RNF180: variants seen among roughly 807,000 people sequenced by gnomAD.
The protein encoded by RNF180 is ring finger protein 180, also known as E3 ubiquitin-protein ligase RNF180.
A neutral mutation model predicts 59.2 loss-of-function variants in RNF180; 38 were observed. The ratio of observed to expected loss-of-function variants is 0.64; its 90% confidence interval spans 0.50 to 0.84. The LOEUF (loss-of-function observed/expected upper bound fraction) is 0.84. Ranked by LOEUF, RNF180 falls within the 40% of genes least tolerant of loss-of-function variation. The probability of loss-of-function intolerance (pLI) is 0.00; values close to 1 mark genes in which losing one functional copy is unlikely to be tolerated. For synonymous variants in RNF180, 262 were observed against 240.3 expected, an observed-to-expected ratio of 1.09 and a Z score of -0.84; for missense variants, 705 against 700.9, an observed-to-expected ratio of 1.01 and a Z score of -0.07.
intron 7 of RNF180, among the ~76,000 whole-genome samples, chr5:64,337,867 G>A (rs1580275926): frequency 6.6e-6 from 1 of 152,226 alleles, no homozygotes; most frequent in African/African-American, 2.4e-5. Flanking sequence ...AGTATTCCAT[G>A]GTGTATATGT....
rs188350082 is a variant in RNF180, at chr5:64,224,299, A to G, written c.1227+6903A>G. Among the ~76,000 whole-genome samples, 3 of 152,282 alleles carry G rather than the reference A, an allele frequency of 2.0e-5. No homozygotes were observed. In the East Asian group the frequency reaches 5.8e-4, roughly 29 times the overall value. On this transcript the variant is annotated intron_variant, in intron 5 of 7. Coordinates refer to ENST00000389100, the MANE Select transcript of RNF180 (RefSeq NM_001113561.2). The stretch of plus-strand genomic sequence containing the variant: ...GCTGATTTCAGTGGTTGCCAGGCCA[A>G]CAAAGGTAGATAAAGAACCATACTG...
intron 1 of RNF180, among the ~76,000 whole-genome samples, chr5:64,198,288 A>G (rs954116566): frequency 6.6e-6 from 1 of 152,168 alleles, no homozygotes; most frequent in Non-Finnish European, 1.5e-5. Context: ...GCTAGTAGCT[A>G]CTGTATAGAA....
intron 5 of RNF180, among the ~76,000 whole-genome samples, chr5:64,270,026 A>AACACAC (rs146625939): frequency 4.8e-4 from 71 of 148,686 alleles, no homozygotes; most frequent in East Asian, 1.8e-3. Flanking sequence ...CAGTAACAAT[A>AACACAC]ACACACACAC....
intron 5 of RNF180, among the ~76,000 whole-genome samples, chr5:64,252,474 TATTA>T (rs1460659386): frequency 4.6e-5 from 7 of 152,190 alleles, no homozygotes; most frequent in African/African-American, 9.7e-5. Context: ...GTAATACATA[TATTA>T]ATTATCTAGA....
At chr5:64,197,808 A>G (rs901654725) in intron 1 of RNF180, among the ~76,000 whole-genome samples, 6 of 152,196 alleles carry the variant, frequency 3.9e-5, no homozygotes, top group Non-Finnish European at 8.8e-5. Flanking sequence ...ATATTCAGAC[A>G]TGGATATTTG....
At chr5:64,209,658 T>C (rs1752202718) in intron 2 of RNF180, among the ~76,000 whole-genome samples, 1 of 152,058 alleles carries the variant, frequency 6.6e-6, no homozygotes, top group South Asian at 2.1e-4. Flanking sequence ...CACCCTTCTT[T>C]CCTTCCTCTG....
chr5:64,328,794 A>G (rs1744766258), intron 6 of RNF180, among the ~76,000 whole-genome samples: 1 of 152,246 alleles, frequency 6.6e-6, no homozygotes, highest in South Asian at 2.1e-4. Context: ...AATTCAAATC[A>G]CTTGAGCCAA....
chr5:64,345,779 C>G (rs16892641), intron 7 of RNF180, among the ~76,000 whole-genome samples: 1,950 of 152,168 alleles, frequency 0.013, 95 homozygotes, highest in East Asian at 0.11. Context: ...ACATTACTGA[C>G]CAAAACCTAC....
At chr5:64,320,854 C>T (rs192712426) in intron 5 of RNF180, among the ~76,000 whole-genome samples, 27 of 152,132 alleles carry the variant, frequency 1.8e-4, no homozygotes, top group Non-Finnish European at 3.2e-4. Flanking sequence ...CTGGCTAATA[C>T]GGTGAAACCC....
At chr5:64,364,666 T>A (rs1280033376) in intron 7 of RNF180, among the ~76,000 whole-genome samples, 3 of 151,716 alleles carry the variant, frequency 2.0e-5, no homozygotes, top group Non-Finnish European at 4.4e-5. Flanking sequence ...ATTCTTTGTA[T>A]ATCTTACAGA....
At chr5:64,238,180 T>C (rs540117917) in intron 5 of RNF180, among the ~76,000 whole-genome samples, 1 of 152,346 alleles carries the variant, frequency 6.6e-6, no homozygotes, top group African/African-American at 2.4e-5. Context: ...TTCCTTCTTT[T>C]TTTAAGGCTG....
chr5:64,200,951 T>A lies in RNF180; in HGVS notation c.135+9T>A. The A allele has an allele frequency of 2.5e-6, 4 of 1,611,626 alleles. No individual in the cohort carries two copies. The highest frequency in any genetic ancestry group is 3.4e-6 in the Non-Finnish European group (4 of 1,178,180). On this transcript the variant is annotated intron_variant, in intron 2 of 7. Coordinates refer to ENST00000389100, the MANE Select transcript of RNF180 (RefSeq NM_001113561.2). ...AGAATCAAGTGATTAAGGTGAGTAT[T>A]GGTAACTCCAGTCTTCAGTTTCCTG...
chr5:64,200,947 G>C lies in RNF180; in HGVS notation c.135+5G>C. ...CTTGAGAATCAAGTGATTAAGGTGAGTATTGGTAACTCCAGTCTTCAGTTT... is the reference window on the plus strand; with the variant it reads ...CTTGAGAATCAAGTGATTAAGGTGACTATTGGTAACTCCAGTCTTCAGTTT... On this transcript the variant is annotated splice_donor_5th_base_variant and intron_variant, in intron 2 of 7. Transcript: ENST00000389100. 1 of 1,612,510 alleles carries C rather than the reference G, an allele frequency of 6.2e-7. No individual in the cohort carries two copies. The highest frequency in any genetic ancestry group is 8.5e-7 in the Non-Finnish European group (1 of 1,178,920).
chr5:64,269,518 A>G (rs763621215), intron 5 of RNF180, among the ~76,000 whole-genome samples: 1 of 152,166 alleles, frequency 6.6e-6, no homozygotes, highest in East Asian at 1.9e-4. Context: ...TGTGTGCCCA[A>G]GTAAAAGCCT....
rs373890425 is a variant in RNF180, at chr5:64,206,265, G to C, written c.135+5323G>C. On this transcript the variant is annotated intron_variant, in intron 2 of 7. Coordinates refer to ENST00000389100, the MANE Select transcript of RNF180 (RefSeq NM_001113561.2). ...AATTCTACTGGGTTCAGATAATTGG[G>C]AGCTGAGGGATGGTCAAACACTTAC... 3.3e-5 allele frequency among the ~76,000 whole-genome samples: 5 copies of C among 152,286 alleles called. No individual in the cohort carries two copies. In the South Asian group the frequency reaches 6.2e-4, roughly 19 times the overall value.
chr5:64,230,286 C>G (rs1448048623), intron 5 of RNF180, among the ~76,000 whole-genome samples: 1 of 152,212 alleles, frequency 6.6e-6, no homozygotes, highest in Non-Finnish European at 1.5e-5. Context: ...TTAAAACACA[C>G]ACATTTATTA....
At chr5:64,184,672 G>C (rs59224847) in intron 1 of RNF180, among the ~76,000 whole-genome samples, 27,409 of 152,014 alleles carry the variant, frequency 0.18, 2,647 homozygotes, top group Middle Eastern at 0.27. Flanking sequence ...TATACTATTA[G>C]GGTGAGCCAA....
intron 7 of RNF180, among the ~76,000 whole-genome samples, chr5:64,352,542 GC>G (rs1745859741): frequency 6.6e-6 from 1 of 151,998 alleles, no homozygotes; most frequent in African/African-American, 2.4e-5. Flanking sequence ...GGCATTTAGT[GC>G]TATAAATTTC....
At chr5:64,178,423 C>G (rs1750378283) in intron 1 of RNF180, among the ~76,000 whole-genome samples, 1 of 152,060 alleles carries the variant, frequency 6.6e-6, no homozygotes, top group African/African-American at 2.4e-5. Context: ...GGAATTAGAG[C>G]AAAGTTAAGA....
Sources: allele counts gnomAD v4.1 joint callset (sites outside exome capture counted in the v4.1 genomes callset), GRCh38; gene constraint gnomAD v4.1.1; transcripts MANE v1.5; gene names NCBI Gene and HGNC (gene_info 2026-07-23, HGNC 2026-07-21).